The following KIAA0040 variants were observed in gnomAD, a reference collection of about 807,000 sequenced individuals.
KIAA0040 encodes the protein uncharacterized protein KIAA0040.
KIAA0040 carries 10 observed loss-of-function variants against 7.2 expected under a neutral mutation model. The observed-to-expected ratio is 1.38, with a 90% confidence interval of 0.85 to 2.34. The LOEUF is 2.34. KIAA0040 is among the 30% of genes most tolerant of loss of function. KIAA0040 has a pLI of 0.00. For synonymous variants in KIAA0040, 49 were observed against 40.1 expected (o/e 1.22, Z -0.84); for missense variants, 89 against 108.2 (o/e 0.82, Z 0.79).
At chr1:175,181,303 G>C (rs1677431882) in intron 1 of KIAA0040, among the ~76,000 whole-genome samples, 1 of 152,162 alleles carries the variant, frequency 6.6e-6, no homozygotes, top group African/African-American at 2.4e-5. Context: ...TTTTTCTGGA[G>C]GGAGGAACTT....
intron 2 of KIAA0040, among the ~76,000 whole-genome samples, chr1:175,170,318 T>A (rs545534531): frequency 6.6e-6 from 1 of 152,288 alleles, no homozygotes; most frequent in African/African-American, 2.4e-5. Flanking sequence ...TTCCCCTTTA[T>A]CCCCATTGTT....
At chr1:175,168,717 T>C (rs1367761008) in intron 2 of KIAA0040, among the ~76,000 whole-genome samples, 1 of 152,186 alleles carries the variant, frequency 6.6e-6, no homozygotes, top group Non-Finnish European at 1.5e-5. Flanking sequence ...AGAACCAATG[T>C]CTTCTGAGGC....
intron 2 of KIAA0040, among the ~76,000 whole-genome samples, chr1:175,171,389 G>T (rs576338128): frequency 6.6e-6 from 1 of 152,158 alleles, no homozygotes; most frequent in Non-Finnish European, 1.5e-5. Context: ...GATGCCCAGA[G>T]TCTGGCATGT....
At chr1:175,179,509 T>C (rs1166487232) in intron 1 of KIAA0040, among the ~76,000 whole-genome samples, 1 of 152,160 alleles carries the variant, frequency 6.6e-6, no homozygotes, top group Non-Finnish European at 1.5e-5. Flanking sequence ...AATCTAATTA[T>C]AAACTGAAAT....
chr1:175,173,915 G>T (rs1167452227), intron 2 of KIAA0040, among the ~76,000 whole-genome samples: 1 of 152,112 alleles, frequency 6.6e-6, no homozygotes, highest in Non-Finnish European at 1.5e-5. Context: ...GCTTCCTTTG[G>T]TTTCGTATCA....
chr1:175,159,436 C>A lies in KIAA0040; in HGVS notation c.*1278G>T, dbSNP rs1676435815. The A allele has an allele frequency of 6.6e-6, 1 of 152,258 alleles. No individual in the cohort carries two copies. The highest frequency in any genetic ancestry group is 2.4e-5 in the African/African-American group (1 of 41,462). 9.4% of individuals were successfully genotyped at this position (152,258 alleles called of 1,614,324 possible). A position where few individuals can be genotyped will look rare whatever the true frequency, so the allele number is the denominator to read the frequency against. On this transcript the variant is annotated 3_prime_UTR_variant, in exon 4 of 4. Transcript: ENST00000423313. ...TGAGGTATTACAAGCTTACCCTTAA[C>A]AACATCACATATCCAACAGTAACCA...
At chr1:175,172,472 A>G (rs2101890913) in intron 2 of KIAA0040, among the ~76,000 whole-genome samples, 1 of 152,338 alleles carries the variant, frequency 6.6e-6, no homozygotes, top group African/African-American at 2.4e-5. Flanking sequence ...CCAGCTACTC[A>G]GGAGGCTGAG....
chr1:175,186,647 C>T (rs763185241), intron 1 of KIAA0040, among the ~76,000 whole-genome samples: 1 of 152,186 alleles, frequency 6.6e-6, no homozygotes, highest in East Asian at 1.9e-4. Flanking sequence ...AGTCAAAACC[C>T]AGCTCTTTCC....
intron 1 of KIAA0040, among the ~76,000 whole-genome samples, chr1:175,188,509 C>T (rs139923184): frequency 6.6e-6 from 1 of 152,308 alleles, no homozygotes; most frequent in Non-Finnish European, 1.5e-5. Context: ...CCATTATTCA[C>T]CTGGAACCCT....
chr1:175,164,561 T>C (rs1676680689), intron 3 of KIAA0040, among the ~76,000 whole-genome samples: 1 of 152,148 alleles, frequency 6.6e-6, no homozygotes, highest in Admixed American at 6.5e-5. Context: ...AAATGGCCTT[T>C]GAATAAATAG....
intron 1 of KIAA0040, among the ~76,000 whole-genome samples, chr1:175,178,959 G>T (rs1677321194): frequency 9.3e-6 from 1 of 107,938 alleles, no homozygotes; most frequent in African/African-American, 3.3e-5. Context: ...TTATCAGAGT[G>T]GGGGACGGGG....
intron 1 of KIAA0040, among the ~76,000 whole-genome samples, chr1:175,190,181 CTA>C (rs1677814464): frequency 6.6e-6 from 1 of 152,230 alleles, no homozygotes; most frequent in Non-Finnish European, 1.5e-5. Context: ...TGCATCTTTA[CTA>C]TCTATGTGCC....
intron 3 of KIAA0040, among the ~76,000 whole-genome samples, chr1:175,162,573 G>A (rs919076072): frequency 8.5e-5 from 13 of 152,104 alleles, no homozygotes; most frequent in South Asian, 2.1e-4. Context: ...CTGTGTCTAC[G>A]GATGGGAACA....
intron 1 of KIAA0040, among the ~76,000 whole-genome samples, chr1:175,187,657 A>G (rs888050135): frequency 6.6e-6 from 1 of 152,140 alleles, no homozygotes; most frequent in African/African-American, 2.4e-5. Context: ...CCACTATACT[A>G]TTCTGTTCCC....
At chr1:175,173,067 T>C (rs1464819676) in intron 2 of KIAA0040, among the ~76,000 whole-genome samples, 1 of 152,190 alleles carries the variant, frequency 6.6e-6, no homozygotes, top group East Asian at 1.9e-4. Flanking sequence ...GCAGCCACCT[T>C]AGCCTCTCCC....
In KIAA0040 at chr1:175,179,708, T is replaced by C. The variant is rs148345405; in HGVS notation, c.-383-2024A>G. Among the ~76,000 whole-genome samples the C allele has an allele frequency of 4.0e-4, 61 of 152,366 alleles. 1 individual carries two copies. The East Asian group carries it at 0.01, about 25-fold the overall frequency. ...CCTACACTTACAACTCAGTTTAGTTTTTTAAAGGCTTCTGAAAACATTTCT... is the reference window on the plus strand; with the variant it reads ...CCTACACTTACAACTCAGTTTAGTTCTTTAAAGGCTTCTGAAAACATTTCT... On this transcript the variant is annotated intron_variant, in intron 1 of 3. Transcript: ENST00000423313.
At chr1:175,162,998 T>G (rs937227712) in intron 3 of KIAA0040, among the ~76,000 whole-genome samples, 1 of 152,202 alleles carries the variant, frequency 6.6e-6, no homozygotes, top group African/African-American at 2.4e-5. Flanking sequence ...GACACCCTTA[T>G]GAAGTAGGTA....
intron 1 of KIAA0040, among the ~76,000 whole-genome samples, chr1:175,191,289 T>C (rs912298559): frequency 2.6e-4 from 40 of 152,198 alleles, no homozygotes; most frequent in Middle Eastern, 3.2e-3. Context: ...TTGTTGAGTG[T>C]TTATTATTCT....
rs761744252 is a variant in KIAA0040, at chr1:175,157,661, C to T, written c.*3053G>A. 1 of 151,970 alleles carries T rather than the reference C, an allele frequency of 6.6e-6. No homozygotes were observed. Among genetic ancestry groups the T allele is most frequent in the Non-Finnish European group, 1.5e-5 (1 of 67,988 alleles). 9.4% of individuals were successfully genotyped at this position (151,970 alleles called of 1,614,324 possible). On this transcript the variant is annotated 3_prime_UTR_variant, in exon 4 of 4. Transcript: ENST00000423313. ...ATATTTTTCTTGGAAAGGTGGCTGCCATTTTTCTACCTTTCTCCCTCCCTG... is the reference window on the plus strand; with the variant it reads ...ATATTTTTCTTGGAAAGGTGGCTGCTATTTTTCTACCTTTCTCCCTCCCTG...
Sources: allele counts gnomAD v4.1 joint callset (sites outside exome capture counted in the v4.1 genomes callset), GRCh38; gene constraint gnomAD v4.1.1; transcripts MANE v1.5; gene names NCBI Gene and HGNC (gene_info 2026-07-23, HGNC 2026-07-21).